RUNX1T1: variants seen among roughly 807,000 people sequenced by gnomAD.
RUNX1T1 encodes the protein protein CBFA2T1.
In RUNX1T1, 4 loss-of-function variants were observed where a neutral mutation model predicts 62.8. The observed-to-expected ratio is 0.06, with a 90% CI of 0.03 to 0.15. The LOEUF is 0.15. RUNX1T1 is among the 10% of genes least tolerant of loss of function. RUNX1T1 has a pLI of 1.00. For synonymous variants in RUNX1T1, 291 were observed against 286.0 expected, an observed-to-expected ratio of 1.02 and a Z score of -0.18; for missense variants, 508 against 754.3, an observed-to-expected ratio of 0.67 and a Z score of 3.82.
intron 1 of RUNX1T1, among the ~76,000 whole-genome samples, chr8:92,041,793 T>C (rs1828510732): frequency 6.6e-6 from 1 of 151,806 alleles, no homozygotes; most frequent in African/African-American, 2.4e-5. Flanking sequence ...TATTTTATTT[T>C]TTTAAGCTAA....
intron 1 of RUNX1T1, among the ~76,000 whole-genome samples, chr8:92,078,001 G>T (rs1181589539): frequency 6.6e-6 from 1 of 151,978 alleles, no homozygotes; most frequent in African/African-American, 2.4e-5. Context: ...AGAGTTTTTT[G>T]AAGTGAATGA....
chr8:92,010,591 C>T, intron 4 of RUNX1T1: 1 of 155,410 alleles, frequency 6.4e-6, no homozygotes, highest in Non-Finnish European at 1.4e-5. Context: ...AACTTCTTCA[C>T]TGGCACAAAA....
rs551754800 is a variant in RUNX1T1 at position 92,088,714 on chromosome 8, TTCTC to T, written c.-86+10862_-86+10865del. On this transcript the variant is annotated intron_variant, in intron 1 of 11. Transcript: ENST00000265814. Reference sequence around the variant, plus strand: ...CTTTATAATAACATCTCACAGCTAGTTCTCTCTCCTAGTGCTCTAATTATCTCAT... The same window carrying T: ...CTTTATAATAACATCTCACAGCTAGTTCTCCTAGTGCTCTAATTATCTCAT... 2.1e-4 allele frequency among the ~76,000 whole-genome samples: 32 copies of T among 152,280 alleles called. No homozygotes were observed. In the East Asian group the frequency reaches 5.0e-3, roughly 24 times the overall value.
At chr8:91,979,531 C>T (rs1814732718) in intron 8 of RUNX1T1, among the ~76,000 whole-genome samples, 1 of 151,666 alleles carries the variant, frequency 6.6e-6, no homozygotes, top group South Asian at 2.1e-4. Context: ...TATGCAACTA[C>T]TGAAAGATGA....
chr8:91,970,093 CATT>C (rs1812512384), intron 10 of RUNX1T1, among the ~76,000 whole-genome samples: 2 of 149,680 alleles, frequency 1.3e-5, no homozygotes, highest in African/African-American at 2.5e-5. Flanking sequence ...ATATATGTAA[CATT>C]ACCTCTAGCA....
chr8:92,027,115 C>CAAAAAA (rs71563484), intron 1 of RUNX1T1, among the ~76,000 whole-genome samples: 4 of 74,194 alleles, frequency 5.4e-5, no homozygotes, highest in South Asian at 4.1e-4. Flanking sequence ...AACTCCGTCT[C>CAAAAAA]AAAAAAAAAA....
chr8:92,072,402 A>G (rs1022629575), intron 2 of RUNX1T1, among the ~76,000 whole-genome samples: 1 of 152,318 alleles, frequency 6.6e-6, no homozygotes. Flanking sequence ...GGAATATCAA[A>G]CATATCCTTT....
chr8:92,021,854 C>G (rs763297242), intron 1 of RUNX1T1, among the ~76,000 whole-genome samples: 4 of 151,136 alleles, frequency 2.6e-5, no homozygotes, highest in Non-Finnish European at 5.9e-5. Context: ...TACCAGCCAC[C>G]TTGGTACTCC....
chr8:92,003,257 A>C, intron 5 of RUNX1T1: 1 of 427,284 alleles, frequency 2.3e-6, no homozygotes, highest in Non-Finnish European at 4.7e-6. Context: ...GTGGAATTTA[A>C]GATGAAGTTT....
chr8:92,048,481 C>T (rs1396861075), intron 1 of RUNX1T1, among the ~76,000 whole-genome samples: 2 of 151,954 alleles, frequency 1.3e-5, no homozygotes, highest in East Asian at 3.9e-4. Flanking sequence ...GAGTTCAAGA[C>T]CAGCCTGGAC....
intron 1 of RUNX1T1, among the ~76,000 whole-genome samples, chr8:92,039,921 G>A (rs1431935765): frequency 2.0e-5 from 3 of 152,004 alleles, no homozygotes; most frequent in Non-Finnish European, 1.5e-5. Context: ...CTCACCTAGC[G>A]TACTACAAAT....
intron 1 of RUNX1T1, among the ~76,000 whole-genome samples, chr8:92,052,936 G>A (rs560424230): frequency 6.6e-6 from 1 of 152,148 alleles, no homozygotes; most frequent in African/African-American, 2.4e-5. Context: ...GAGCTAAACT[G>A]ACCTTCCAAG....
At position 91,983,270 on chromosome 8, in the gene RUNX1T1, C is replaced by T. The variant is rs189023384; in HGVS notation, c.1198+2854G>A. Among the ~76,000 whole-genome samples the T allele has an allele frequency of 5.3e-5, 8 of 152,030 alleles. No individual in the cohort carries two copies. The East Asian group carries it at 5.8e-4, about 11-fold the overall frequency. On this transcript the variant is annotated intron_variant, in intron 8 of 10. Coordinates refer to ENST00000396218, the Ensembl canonical transcript of RUNX1T1. Reference sequence around the variant, plus strand: ...AAAATTCAATTAGTAATAGATTAATCGAGTTATTTTACTAACCCCCTATAC... The same window carrying T: ...AAAATTCAATTAGTAATAGATTAATTGAGTTATTTTACTAACCCCCTATAC...
At chr8:91,986,955 G>T in exon 7 of RUNX1T1, 2 of 1,611,618 alleles carry the variant, frequency 1.2e-6, no homozygotes, top group Non-Finnish European at 8.5e-7. Flanking sequence ...ATTTCTTCTT[G>T]ACGTGTGCCA....
At chr8:91,970,043 T>TGTGTGTGTTGTGTGTGTGTG (rs11374252) in intron 10 of RUNX1T1, among the ~76,000 whole-genome samples, 4 of 142,716 alleles carry the variant, frequency 2.8e-5, no homozygotes, top group African/African-American at 5.3e-5. Flanking sequence ...TGTGTGTGTG[T>TGTGTGTGTTGTGTGTGTGTG]TGTGTGTGTG....
At position 92,077,440 on chromosome 8, in the gene RUNX1T1, G is replaced by C. The variant is rs181112514; in HGVS notation, c.-85-1303C>G. On this transcript the variant is annotated intron_variant, in intron 1 of 11. Transcript: ENST00000265814. ...TGTGTAAGTACTCAAATAGTGGAGT[G>C]GGGGAGGGTGCACACAGCGGGGAAG... 2.6e-3 allele frequency among the ~76,000 whole-genome samples: 394 copies of C among 152,152 alleles called. 1 individual carries two copies. The highest frequency in any genetic ancestry group is 4.5e-3 in the Non-Finnish European group (304 of 67,934).
At chr8:92,066,418 C>G (rs915445308), upstream of RUNX1T1, among the ~76,000 whole-genome samples, 7 of 152,328 alleles carry the variant, frequency 4.6e-5, no homozygotes, top group Admixed American at 4.6e-4. Flanking sequence ...GGCATTAGCT[C>G]TGCTTTCAAA....
At chr8:92,033,435 A>G (rs1483536725) in intron 1 of RUNX1T1, among the ~76,000 whole-genome samples, 1 of 152,234 alleles carries the variant, frequency 6.6e-6, no homozygotes, top group Non-Finnish European at 1.5e-5. Context: ...GATCTCTATT[A>G]GAATACTGAG....
chr8:92,083,951 G>A (rs1835687141), intron 1 of RUNX1T1, among the ~76,000 whole-genome samples: 1 of 152,126 alleles, frequency 6.6e-6, no homozygotes, highest in South Asian at 2.1e-4. Context: ...CCTTTGCAGG[G>A]ACATGGATGA....
Sources: gnomAD v4.1 joint callset for allele counts (sites outside exome capture counted in the v4.1 genomes callset) on GRCh38, gnomAD v4.1.1 for gene constraint, MANE v1.5 for transcripts, NCBI Gene and HGNC (gene_info 2026-07-23, HGNC 2026-07-21) for gene names.